NGLY1: variants seen among roughly 807,000 people sequenced by gnomAD.
NGLY1 encodes the protein N-glycanase 1.
Under a neutral mutation model 84.6 loss-of-function variants are expected in NGLY1, and 68 were observed. That is an observed-to-expected ratio of 0.80 (90% CI 0.66 to 0.98). NGLY1 has a LOEUF of 0.98. Among genes scored for constraint, NGLY1 ranks in the 50% least tolerant of loss-of-function variants. NGLY1 has a pLI of 0.00. For synonymous variants in NGLY1, 280 were observed against 275.2 expected (o/e 1.02, Z -0.17); for missense variants, 779 against 770.2 (o/e 1.01, Z -0.14).
At chr3:25,725,826 G>A (rs192511549) in intron 10 of NGLY1, among the ~76,000 whole-genome samples, 91 of 152,148 alleles carry the variant, frequency 6.0e-4, no homozygotes, top group African/African-American at 2.1e-3. Context: ...CAGATTCAGG[G>A]TGTTAGTGGC....
intron 3 of NGLY1, among the ~76,000 whole-genome samples, chr3:25,763,137 C>G (rs148803525): frequency 1.5e-3 from 232 of 151,904 alleles, no homozygotes; most frequent in Middle Eastern, 0.01. Flanking sequence ...AAGAAAAAAA[C>G]AAAACAAAAG....
intron 2 of NGLY1, among the ~76,000 whole-genome samples, chr3:25,770,872 T>C (rs1327166955): frequency 1.3e-5 from 2 of 152,234 alleles, no homozygotes; most frequent in East Asian, 3.8e-4. Context: ...TGCCTATTCA[T>C]GTCCTTAGCC....
chr3:25,765,134 TA>T (rs931211034), intron 2 of NGLY1, among the ~76,000 whole-genome samples: 1 of 152,146 alleles, frequency 6.6e-6, no homozygotes, highest in African/African-American at 2.4e-5. Context: ...GAAACAATGT[TA>T]AAAACAGTAA....
intron 2 of NGLY1, among the ~76,000 whole-genome samples, chr3:25,774,543 G>A (rs1381266117): frequency 6.6e-6 from 1 of 152,022 alleles, no homozygotes; most frequent in Non-Finnish European, 1.5e-5. Flanking sequence ...TATCTCTGCT[G>A]CATCATACAG....
At chr3:25,719,709 T>C in intron 11 of NGLY1, 74 bp from the exon 12 acceptor site, 1 of 1,215,516 alleles carries the variant, frequency 8.2e-7, no homozygotes, top group Non-Finnish European at 1.2e-6. Context: ...TGAAATGTAT[T>C]TTATATAGGC....
intron 9 of NGLY1, among the ~76,000 whole-genome samples, chr3:25,732,027 T>G (rs754533014): frequency 6.6e-6 from 1 of 152,128 alleles, no homozygotes; most frequent in African/African-American, 2.4e-5. Flanking sequence ...AAGCTGTACA[T>G]TTATAATTTG....
At chr3:25,728,373 A>C (rs1705365941) in intron 10 of NGLY1, among the ~76,000 whole-genome samples, 1 of 152,104 alleles carries the variant, frequency 6.6e-6, no homozygotes, top group Admixed American at 6.6e-5. Context: ...TTCCCACTCA[A>C]GTATCTTGGT....
intron 4 of NGLY1, among the ~76,000 whole-genome samples, chr3:25,744,601 C>T (rs1706326304): frequency 6.6e-6 from 1 of 152,224 alleles, no homozygotes; most frequent in Non-Finnish European, 1.5e-5. Flanking sequence ...CCACTTGCTA[C>T]TTCTTCCTCA....
chr3:25,725,507 G>A (rs888269918), intron 10 of NGLY1, among the ~76,000 whole-genome samples: 3 of 152,204 alleles, frequency 2.0e-5, no homozygotes, highest in African/African-American at 7.2e-5. Flanking sequence ...TTGGTCAGAA[G>A]CACAGGTAAA....
intron 10 of NGLY1, among the ~76,000 whole-genome samples, chr3:25,727,979 C>G (rs1705345748): frequency 6.6e-6 from 1 of 152,134 alleles, no homozygotes; most frequent in African/African-American, 2.4e-5. Flanking sequence ...TGTTCATCCT[C>G]TCTCATCAAC....
At chr3:25,721,927 A>C (rs935704778) in intron 10 of NGLY1, among the ~76,000 whole-genome samples, 16 of 151,178 alleles carry the variant, frequency 1.1e-4, no homozygotes, top group African/African-American at 3.6e-4. Flanking sequence ...GATTCATAAA[A>C]GCATTTAGTG....
At chr3:25,760,860 C>CAAAAAAAAAAA (rs760535260) in intron 3 of NGLY1, among the ~76,000 whole-genome samples, 3 of 71,676 alleles carry the variant, frequency 4.2e-5, no homozygotes, top group African/African-American at 2.1e-4. Flanking sequence ...AACTCTGTCT[C>CAAAAAAAAAAA]AAAAAAAAAA....
At position 25,719,394 on chromosome 3, in the gene NGLY1, A is replaced by G. The variant is rs999602043; in HGVS notation, c.*66T>C. 5.6e-6 allele frequency: 8 copies of G among 1,431,466 alleles called. No individual in the cohort carries two copies. The African/African-American group carries it at 9.9e-5, about 18-fold the overall frequency. 88.7% of individuals were successfully genotyped at this position (1,431,466 alleles called of 1,614,324 possible). On this transcript the variant is annotated 3_prime_UTR_variant, in exon 12 of 12. Coordinates refer to ENST00000280700, the MANE Select transcript of NGLY1 (RefSeq NM_018297.4). Reference sequence around the variant, plus strand: ...GGTGGTAACTGCCAACTAAGCATGCACTGAACCAACAGACTACTTCAGTAA... The same window carrying G: ...GGTGGTAACTGCCAACTAAGCATGCGCTGAACCAACAGACTACTTCAGTAA...
upstream of NGLY1, chr3:25,783,535 C>CG (rs533878218): frequency 9.0e-4 from 164 of 181,760 alleles, 1 homozygote; most frequent in African/African-American, 4.8e-3. This position sits in a 1 kb window ranked among gnomAD's most constrained non-coding sequence, Gnocchi z 4.5. Context: ...CCGGCAGGGG[C>CG]GGGGTCCTCG....
chr3:25,731,402 G>A (rs959856648), intron 9 of NGLY1, among the ~76,000 whole-genome samples: 5 of 151,964 alleles, frequency 3.3e-5, no homozygotes, highest in Admixed American at 6.6e-5. Flanking sequence ...TTAAAATCAC[G>A]ATACTACTAT....
intron 4 of NGLY1, among the ~76,000 whole-genome samples, chr3:25,750,519 T>A (rs1287498296): frequency 6.6e-6 from 1 of 152,166 alleles, no homozygotes; most frequent in Non-Finnish European, 1.5e-5. Flanking sequence ...GAGTATAGTT[T>A]CAGTTTTACA....
chr3:25,733,553 A>C (rs1705663980), intron 8 of NGLY1, among the ~76,000 whole-genome samples: 1 of 151,106 alleles, frequency 6.6e-6, no homozygotes, highest in African/African-American at 2.4e-5. Flanking sequence ...AGTCTGTGTC[A>C]TATCCAAGGC....
intron 4 of NGLY1, chr3:25,749,341 A>T: frequency 1.8e-6 from 1 of 545,018 alleles, no homozygotes; most frequent in Non-Finnish European, 3.2e-6. Context: ...ATATTGAAAC[A>T]ACCCAAGTAT....
chr3:25,739,906 T>C (rs1706043908), intron 4 of NGLY1, 107 bp from the exon 5 acceptor site: 1 of 861,200 alleles, frequency 1.2e-6, no homozygotes, highest in African/African-American at 1.7e-5. Flanking sequence ...AAACATAAGA[T>C]GATTTTAAGG....
Sources: gnomAD v4.1 joint callset for allele counts (sites outside exome capture counted in the v4.1 genomes callset) on GRCh38, gnomAD v4.1.1 for gene constraint, Gnocchi (gnomAD v3.1) non-coding constraint, MANE v1.5 for transcripts, NCBI Gene and HGNC (gene_info 2026-07-23, HGNC 2026-07-21) for gene names.